The following RERE variants were observed in gnomAD, a reference collection of about 807,000 sequenced individuals.
RERE encodes arginine-glutamic acid dipeptide repeats protein.
A neutral mutation model predicts 146.1 loss-of-function variants in RERE; 40 were observed. The observed-to-expected ratio is 0.27, with a 90% CI of 0.21 to 0.36. The LOEUF (loss-of-function observed/expected upper bound fraction) is 0.36, where lower values mean the gene tolerates loss of function less well. Ranked by LOEUF, RERE falls within the 10% of genes least tolerant of loss-of-function variation. The pLI, the probability that RERE is intolerant of heterozygous loss-of-function variation, is 1.00. For synonymous variants in RERE, 1,003 were observed against 866.0 expected (o/e 1.16, Z -2.78); for missense variants, 1,933 against 2,138.7 (o/e 0.90, Z 1.90).
chr1:8,795,508 GT>G (rs1641451151), intron 1 of RERE, among the ~76,000 whole-genome samples: 1 of 152,014 alleles, frequency 6.6e-6, no homozygotes, highest in African/African-American at 2.4e-5. Flanking sequence ...GTTCATTTCA[GT>G]TTATGTACTA....
Position 8,635,977 on chromosome 1 carries a change from CTTATTTTATT to C in RERE, c.326-11607_326-11598del, listed in dbSNP as rs70985503. Among the ~76,000 whole-genome samples, 843 of 136,810 alleles carry C rather than the reference CTTATTTTATT, an allele frequency of 6.2e-3. 3 individuals are homozygous for C. The highest frequency in any genetic ancestry group is 0.02 in the African/African-American group (698 of 35,416). 89.8% of individuals were successfully genotyped at this position (136,810 alleles called of 152,430 possible). On this transcript the variant is annotated intron_variant, in intron 2 of 22. Transcript: ENST00000400908. ...CTTATCTTATCTTATCTTATCTTAT[CTTATTTTATT>C]TTATTTTATTTTATTTTTAAGACTG...
chr1:8,373,744 C>T (rs1447311068), intron 12 of RERE, among the ~76,000 whole-genome samples: 1 of 152,218 alleles, frequency 6.6e-6, no homozygotes, highest in African/African-American at 2.4e-5. Flanking sequence ...TCATTCTTTC[C>T]TTTCCCTCCC....
chr1:8,369,237 C>G (rs1009368545), intron 12 of RERE, among the ~76,000 whole-genome samples: 1 of 151,956 alleles, frequency 6.6e-6, no homozygotes, highest in Non-Finnish European at 1.5e-5. Flanking sequence ...AAACAAGAAG[C>G]CAGAGTTCAG....
At chr1:8,567,288 A>T (rs1464815574) in intron 4 of RERE, among the ~76,000 whole-genome samples, 2 of 152,196 alleles carry the variant, frequency 1.3e-5, no homozygotes, top group Admixed American at 1.3e-4. Flanking sequence ...GGTCTGTGTG[A>T]AAGGATTTAA....
intron 7 of RERE, among the ~76,000 whole-genome samples, chr1:8,538,901 T>C (rs1645761554): frequency 6.6e-6 from 1 of 152,190 alleles, no homozygotes; most frequent in Admixed American, 6.5e-5. Context: ...ATGGGATGTA[T>C]TGCCCTGAAA....
At chr1:8,547,327 T>G (rs1223175671) in intron 6 of RERE, among the ~76,000 whole-genome samples, 1 of 152,086 alleles carries the variant, frequency 6.6e-6, no homozygotes, top group Non-Finnish European at 1.5e-5. Flanking sequence ...CTAGAACAAC[T>G]GGGTAGAATT....
intron 1 of RERE, among the ~76,000 whole-genome samples, chr1:8,769,703 C>T (rs1640909035): frequency 1.3e-5 from 2 of 152,142 alleles, no homozygotes; most frequent in South Asian, 4.1e-4. Flanking sequence ...TCTCGAACTC[C>T]TGGACTCAAG....
intron 1 of RERE, among the ~76,000 whole-genome samples, chr1:8,697,016 G>C (rs1639346940): frequency 6.6e-6 from 1 of 151,874 alleles, no homozygotes. Context: ...AACTCAAATT[G>C]CTCCTGCACC....
intron 2 of RERE, among the ~76,000 whole-genome samples, chr1:8,649,771 C>T (rs1284634671): frequency 2.0e-5 from 3 of 151,560 alleles, no homozygotes; most frequent in Non-Finnish European, 4.4e-5. Flanking sequence ...GGAATACACA[C>T]TATGTGTACA....
intron 1 of RERE, among the ~76,000 whole-genome samples, chr1:8,778,113 C>G (rs1302873956): frequency 6.6e-6 from 1 of 152,132 alleles, no homozygotes; most frequent in Non-Finnish European, 1.5e-5. Flanking sequence ...CCACACTAAG[C>G]AAACAGCAAG....
Position 8,423,085 on chromosome 1 carries a change from C to T in RERE, c.1204-278G>A. On this transcript the variant is annotated intron_variant, in intron 11 of 22. Transcript: ENST00000400908. This position sits in a 1 kb window ranked among gnomAD's most constrained non-coding sequence, Gnocchi z 5.4. ...TCTGAGGCTAAGAAGCAATCTGTCC[C>T]CCTCTTCCACCAGGCACACATTCTG... The T allele has an allele frequency of 2.5e-6, 1 of 403,424 alleles. No homozygotes were observed. The highest frequency in any genetic ancestry group is 4.6e-6 in the Non-Finnish European group (1 of 215,674). The allele number at this position is 403,424 out of a possible 1,614,324, so 25.0% of individuals were successfully genotyped here. A position where few individuals can be genotyped will look rare whatever the true frequency, so the allele number is the denominator to read the frequency against.
intron 8 of RERE, among the ~76,000 whole-genome samples, chr1:8,506,551 C>T (rs1271038481): frequency 6.6e-6 from 1 of 152,208 alleles, no homozygotes; most frequent in African/African-American, 2.4e-5. Context: ...TCTCTATGCA[C>T]TTCCAAGGCT....
intron 12 of RERE, among the ~76,000 whole-genome samples, chr1:8,398,566 T>C (rs1305570952): frequency 6.6e-6 from 1 of 152,236 alleles, no homozygotes; most frequent in Non-Finnish European, 1.5e-5. Flanking sequence ...GTTATCAGTC[T>C]TAAATGATTT....
chr1:8,659,629 A>C (rs1638409859), intron 1 of RERE, among the ~76,000 whole-genome samples: 1 of 152,250 alleles, frequency 6.6e-6, no homozygotes, highest in African/African-American at 2.4e-5. Context: ...CTGAAAACTC[A>C]TCAGTGTCTA....
intron 4 of RERE, among the ~76,000 whole-genome samples, chr1:8,605,921 T>C (rs947257780): frequency 7.1e-6 from 1 of 141,638 alleles, no homozygotes; most frequent in African/African-American, 2.6e-5. Context: ...TATAGCACAC[T>C]GCAGCCTCAG....
At chr1:8,774,947 CTTTCTTTTTTTTTTTTT>C (rs1245550597) in intron 1 of RERE, among the ~76,000 whole-genome samples, 44 of 111,504 alleles carry the variant, frequency 3.9e-4, no homozygotes, top group African/African-American at 1.4e-3. Flanking sequence ...TTTCTTCTTT[CTTTCTTTTTTTTTTTTT>C]TTTTTTTTTT....
At chr1:8,405,228 A>C (rs1643404967) in intron 12 of RERE, among the ~76,000 whole-genome samples, 1 of 152,222 alleles carries the variant, frequency 6.6e-6, no homozygotes, top group South Asian at 2.1e-4. Context: ...AAAGGCCTTA[A>C]AAATGCACAC....
At chr1:8,531,581 A>AT (rs1645654774) in intron 7 of RERE, among the ~76,000 whole-genome samples, 1 of 152,168 alleles carries the variant, frequency 6.6e-6, no homozygotes. Context: ...CAACCCTCAC[A>AT]TATTTTCTTC....
At chr1:8,383,680 G>C (rs150662491) in intron 12 of RERE, among the ~76,000 whole-genome samples, 1 of 152,016 alleles carries the variant, frequency 6.6e-6, no homozygotes, top group Non-Finnish European at 1.5e-5. Flanking sequence ...CCAACACGGT[G>C]AAACTTTATC....
Sources: gnomAD v4.1 joint callset for allele counts (sites outside exome capture counted in the v4.1 genomes callset) on GRCh38, gnomAD v4.1.1 for gene constraint, Gnocchi (gnomAD v3.1) non-coding constraint, MANE v1.5 for transcripts, NCBI Gene and HGNC (gene_info 2026-07-23, HGNC 2026-07-21) for gene names.